Variants in ANK2 observed in about 807,000 individuals in gnomAD.
ANK2 encodes ankyrin-2.
ANK2 carries 83 observed loss-of-function variants against 360.5 expected under a neutral mutation model. The ratio of observed to expected loss-of-function variants is 0.23; its 90% confidence interval spans 0.19 to 0.28. The LOEUF (loss-of-function observed/expected upper bound fraction) is 0.28. Ranked by LOEUF, ANK2 falls within the 10% of genes least tolerant of loss-of-function variation. The pLI is 1.00. For synonymous variants in ANK2, 1,740 were observed against 1,759.5 expected (o/e 0.99, Z 0.28); for missense variants, 4,201 against 4,795.7 (o/e 0.88, Z 3.66).
At chr4:112,707,943 T>C in the ANK2 span, among the ~76,000 whole-genome samples, 2 of 152,226 alleles carry the variant, frequency 1.3e-5, no homozygotes, top group Non-Finnish European at 2.9e-5. Flanking sequence ...CTGTTCAGGC[T>C]TTCATTTATA....
At chr4:113,119,507 A>G (rs1337425562) in intron 1 of ANK2, among the ~76,000 whole-genome samples, 1 of 152,076 alleles carries the variant, frequency 6.6e-6, no homozygotes, top group African/African-American at 2.4e-5. Context: ...CCTTCATGAT[A>G]GTTCATGAAG....
the ANK2 span, among the ~76,000 whole-genome samples, chr4:112,800,756 G>A: frequency 1.3e-5 from 2 of 152,154 alleles, no homozygotes; most frequent in African/African-American, 4.8e-5. Flanking sequence ...CCAGGTTCAA[G>A]CGATTCTCCT....
the ANK2 span, among the ~76,000 whole-genome samples, chr4:112,811,650 C>T: frequency 6.6e-6 from 1 of 152,160 alleles, no homozygotes; most frequent in African/African-American, 2.4e-5. Flanking sequence ...ATGCTGTTGG[C>T]ACCCATTGCT....
intron 1 of ANK2, among the ~76,000 whole-genome samples, chr4:113,074,586 A>G (rs2079097941): frequency 6.6e-6 from 1 of 152,220 alleles, no homozygotes; most frequent in South Asian, 2.1e-4. Context: ...ATTTAAAAGG[A>G]GAGGAAATTA....
At chr4:112,811,394 T>G in the ANK2 span, among the ~76,000 whole-genome samples, 2 of 152,214 alleles carry the variant, frequency 1.3e-5, no homozygotes, top group Non-Finnish European at 2.9e-5. Flanking sequence ...AAAACATTTT[T>G]GTCAAGTGTG....
At chr4:112,804,344 C>G in the ANK2 span, among the ~76,000 whole-genome samples, 3 of 152,098 alleles carry the variant, frequency 2.0e-5, no homozygotes, top group Non-Finnish European at 4.4e-5. Context: ...TAAAACAATA[C>G]TTTATTCAAG....
chr4:113,210,751 C>T (rs186944212), intron 4 of ANK2, among the ~76,000 whole-genome samples: 29 of 152,242 alleles, frequency 1.9e-4, no homozygotes, highest in Non-Finnish European at 2.9e-4. Context: ...GGGCACTCTA[C>T]GTTAGTTGCT....
At chr4:112,901,738 G>A (rs947245772) in intron 1 of ANK2, among the ~76,000 whole-genome samples, 3 of 151,918 alleles carry the variant, frequency 2.0e-5, no homozygotes, top group Admixed American at 2.0e-4. Flanking sequence ...GCACGTGCCT[G>A]TAATCCCAGC....
chr4:113,294,164 A>G (rs2069599767), intron 22 of ANK2, among the ~76,000 whole-genome samples: 1 of 152,228 alleles, frequency 6.6e-6, no homozygotes, highest in Non-Finnish European at 1.5e-5. Flanking sequence ...ATCAGTGATT[A>G]TCACTGGCCT....
chr4:113,002,892 T>C (rs2051328272), intron 2 of ANK2, among the ~76,000 whole-genome samples: 1 of 152,222 alleles, frequency 6.6e-6, no homozygotes, highest in African/African-American at 2.4e-5. Flanking sequence ...CCTCTTTCTC[T>C]CAGGCCTCTG....
chr4:112,898,670 A>G (rs1053593173), intron 1 of ANK2, among the ~76,000 whole-genome samples: 5 of 152,246 alleles, frequency 3.3e-5, no homozygotes, highest in Non-Finnish European at 7.3e-5. Context: ...TTTGGAAATT[A>G]ATTTAAAATT....
At chr4:113,122,621 T>C (rs889230736) in intron 1 of ANK2, among the ~76,000 whole-genome samples, 8 of 152,160 alleles carry the variant, frequency 5.3e-5, no homozygotes, top group Non-Finnish European at 1.2e-4. Context: ...CAGATGCTCT[T>C]CTTATGTCTT....
intron 2 of ANK2, among the ~76,000 whole-genome samples, chr4:113,026,724 T>C (rs1180966230): frequency 6.6e-6 from 1 of 152,192 alleles, no homozygotes; most frequent in African/African-American, 2.4e-5. Context: ...AATGGGATCA[T>C]GTCTGGGAGT....
At chr4:113,343,562 T>G (rs1346709536) in intron 34 of ANK2, among the ~76,000 whole-genome samples, 12 of 152,224 alleles carry the variant, frequency 7.9e-5, no homozygotes, top group Non-Finnish European at 1.3e-4. Context: ...AGCATCTCAC[T>G]TAAGCTAGTA....
chr4:113,211,280 C>G (rs1342281403), intron 4 of ANK2, among the ~76,000 whole-genome samples: 1 of 152,174 alleles, frequency 6.6e-6, no homozygotes, highest in African/African-American at 2.4e-5. Context: ...TCATAACTCA[C>G]TAACATTTGA....
At chr4:112,969,344 A>G (rs565346804) in intron 2 of ANK2, among the ~76,000 whole-genome samples, 7 of 152,286 alleles carry the variant, frequency 4.6e-5, no homozygotes, top group African/African-American at 1.7e-4. Context: ...CTGACTACCT[A>G]TCTACAGGCA....
intron 1 of ANK2, among the ~76,000 whole-genome samples, chr4:113,163,259 G>T (rs2097603582): frequency 6.6e-6 from 1 of 152,008 alleles, no homozygotes; most frequent in Non-Finnish European, 1.5e-5. Context: ...ATTAGAATTG[G>T]AATTTTTCCT....
At chr4:112,816,737 A>AC (rs2055674591), upstream of ANK2, among the ~76,000 whole-genome samples, 1 of 152,244 alleles carries the variant, frequency 6.6e-6, no homozygotes, top group African/African-American at 2.4e-5. Flanking sequence ...TTGGCCGGGC[A>AC]CAGTGGCTCA....
intron 1 of ANK2, among the ~76,000 whole-genome samples, chr4:113,059,999 G>A (rs1022835104): frequency 6.7e-6 from 1 of 149,622 alleles, no homozygotes; most frequent in African/African-American, 2.4e-5. Context: ...ACTGCCAGAT[G>A]TGTGCACACC....
Sources: gnomAD v4.1 joint callset for allele counts (sites outside exome capture counted in the v4.1 genomes callset) on GRCh38, gnomAD v4.1.1 for gene constraint, MANE v1.5 for transcripts, NCBI Gene and HGNC (gene_info 2026-07-23, HGNC 2026-07-21) for gene names.